MAMDC2: variants seen among roughly 807,000 people sequenced by gnomAD.
MAMDC2 encodes the protein MAM domain-containing protein 2.
Under a neutral mutation model 89.8 loss-of-function variants are expected in MAMDC2, and 57 were observed. The ratio of observed to expected loss-of-function variants is 0.63; its 90% CI spans 0.51 to 0.79. The LOEUF (loss-of-function observed/expected upper bound fraction) is 0.79, where lower values mean the gene tolerates loss of function less well. Among genes scored for constraint, MAMDC2 ranks in the 30% least tolerant of loss-of-function variants. The pLI is 0.00. For missense variants in MAMDC2, 800 were observed against 820.6 expected, an observed-to-expected ratio of 0.97 and a Z score of 0.31; for synonymous variants, 313 against 293.4, an observed-to-expected ratio of 1.07 and a Z score of -0.68.
intron 9 of MAMDC2, among the ~76,000 whole-genome samples, chr9:70,166,302 CACATAT>C (rs377159260): frequency 1.2e-3 from 166 of 138,598 alleles, no homozygotes; most frequent in Middle Eastern, 3.7e-3. Flanking sequence ...CACACACACA[CACATAT>C]ATATATATAC....
rs755543536 is a variant in MAMDC2, at chr9:70,044,148, C to T, written c.-50C>T. The T allele has an allele frequency of 6.2e-7, 1 of 1,605,268 alleles. No individual in the cohort carries two copies. The highest frequency in any genetic ancestry group is 1.1e-5 in the South Asian group (1 of 90,896). Reference sequence around the variant, plus strand: ...TTTCACTAGGAGCAGCCAGTCCCAGCGGGCTGGCAACTTGCACCCCTTCCT... The same window carrying T: ...TTTCACTAGGAGCAGCCAGTCCCAGTGGGCTGGCAACTTGCACCCCTTCCT... On this transcript the variant is annotated 5_prime_UTR_variant, in exon 1 of 14. Coordinates refer to ENST00000377182, the MANE Select transcript of MAMDC2 (RefSeq NM_153267.5).
chr9:70,083,516 T>G (rs2118142936), intron 2 of MAMDC2: 1 of 152,146 alleles, frequency 6.6e-6, no homozygotes, highest in East Asian at 1.9e-4. Flanking sequence ...AATCCACCAC[T>G]TATGACAATC....
At chr9:70,045,953 G>A (rs1031654450) in intron 2 of MAMDC2, among the ~76,000 whole-genome samples, 3 of 152,154 alleles carry the variant, frequency 2.0e-5, no homozygotes, top group Non-Finnish European at 2.9e-5. Context: ...AGCAATTCTT[G>A]ATTTATTATT....
At chr9:70,051,888 G>GAGACAGAT (rs1826907929) in intron 2 of MAMDC2, among the ~76,000 whole-genome samples, 2 of 148,792 alleles carry the variant, frequency 1.3e-5, no homozygotes, top group African/African-American at 5.0e-5. Context: ...TAGATAGATA[G>GAGACAGAT]AGATAGATAG....
intron 2 of MAMDC2, chr9:70,087,108 A>G (rs891353603): frequency 2.4e-4 from 36 of 152,182 alleles, no homozygotes; most frequent in African/African-American, 7.5e-4. Flanking sequence ...TCTCCTGACC[A>G]CCTTCTACTG....
chr9:70,044,556 C>G (rs747142687), intron 1 of MAMDC2, 28 bp from the exon 2 acceptor site: 2 of 1,531,514 alleles, frequency 1.3e-6, no homozygotes, highest in South Asian at 2.4e-5. Context: ...GGGTGGAGCT[C>G]GAACTGAAAC....
chr9:70,189,402 C>G (rs2032830167), intron 11 of MAMDC2, among the ~76,000 whole-genome samples: 1 of 152,070 alleles, frequency 6.6e-6, no homozygotes, highest in Admixed American at 6.6e-5. Flanking sequence ...AGCTGTTAAT[C>G]TTATTGAGGT....
At chr9:70,097,529 G>A (rs570161986) in intron 2 of MAMDC2, among the ~76,000 whole-genome samples, 1 of 152,172 alleles carries the variant, frequency 6.6e-6, no homozygotes, top group Non-Finnish European at 1.5e-5. Context: ...TATAAATGCA[G>A]GCTTTCCTAT....
intron 11 of MAMDC2, among the ~76,000 whole-genome samples, chr9:70,197,149 C>G (rs1469957665): frequency 6.6e-6 from 1 of 152,130 alleles, no homozygotes; most frequent in African/African-American, 2.4e-5. Flanking sequence ...TATTTGATCA[C>G]ATTTGATCAG....
intron 9 of MAMDC2, among the ~76,000 whole-genome samples, chr9:70,163,025 T>C (rs2032032164): frequency 6.6e-6 from 1 of 152,080 alleles, no homozygotes. Flanking sequence ...GAGCAGATCA[T>C]TGTTTTTTTG....
In MAMDC2 at chr9:70,109,920, A is replaced by G. The variant is rs1828461956; in HGVS notation, c.505+116A>G. The G allele has an allele frequency of 6.3e-6, 5 of 789,616 alleles. No homozygotes were observed. In the African/African-American group the frequency reaches 8.7e-5, roughly 14 times the overall value. The allele number at this position is 789,616 out of a possible 1,614,324, so 48.9% of individuals were successfully genotyped here. A position where few individuals can be genotyped will look rare whatever the true frequency, so the allele number is the denominator to read the frequency against. On this transcript the variant is annotated intron_variant, in intron 4 of 13. Coordinates refer to ENST00000377182, the MANE Select transcript of MAMDC2 (RefSeq NM_153267.5). ...AACTATTTTATAGAATGCACTGCAT[A>G]ATGCATACTGGTTTAAATTCTTTGC... is the stretch of plus-strand genomic sequence containing the variant.
intron 11 of MAMDC2, among the ~76,000 whole-genome samples, chr9:70,204,122 G>A (rs1056381867): frequency 3.9e-5 from 6 of 152,014 alleles, no homozygotes; most frequent in Non-Finnish European, 5.9e-5. Context: ...TCTGGAGGAG[G>A]AGAGACGCTC....
chr9:70,118,637 C>T (rs921500103), intron 5 of MAMDC2, among the ~76,000 whole-genome samples: 8 of 152,232 alleles, frequency 5.3e-5, no homozygotes, highest in East Asian at 1.9e-4. Flanking sequence ...GATGTCTGCC[C>T]GCAACAGCAG....
intron 2 of MAMDC2, among the ~76,000 whole-genome samples, chr9:70,059,790 G>A (rs931238694): frequency 2.0e-5 from 3 of 152,154 alleles, no homozygotes; most frequent in Non-Finnish European, 4.4e-5. Flanking sequence ...TGAGATCAAA[G>A]GCTATGTTCT....
At chr9:70,109,884 T>C (rs980054122) in intron 4 of MAMDC2, 80 bp downstream of exon 4, 1 of 1,129,590 alleles carries the variant, frequency 8.9e-7, no homozygotes, top group African/African-American at 1.5e-5. Flanking sequence ...ACTGAATCAA[T>C]CCTAAAGACC....
chr9:70,132,172 T>G (rs977078458), intron 7 of MAMDC2, among the ~76,000 whole-genome samples: 1 of 152,222 alleles, frequency 6.6e-6, no homozygotes, highest in African/African-American at 2.4e-5. Context: ...ATGATCAGTT[T>G]TGAGATTTCA....
chr9:70,185,201 A>T (rs1202065317), intron 11 of MAMDC2, among the ~76,000 whole-genome samples: 1 of 152,208 alleles, frequency 6.6e-6, no homozygotes, highest in Non-Finnish European at 1.5e-5. Flanking sequence ...CCTGGGCATC[A>T]TCATTGGAGG....
intron 12 of MAMDC2, among the ~76,000 whole-genome samples, chr9:70,223,132 CAAA>C (rs57177475): frequency 1.7e-5 from 2 of 119,068 alleles, no homozygotes; most frequent in Admixed American, 1.7e-4. Flanking sequence ...GACTCTGTCT[CAAA>C]AAAAAAAAAA....
chr9:70,121,853 A>G (rs879684055), intron 5 of MAMDC2, among the ~76,000 whole-genome samples: 1 of 152,170 alleles, frequency 6.6e-6, no homozygotes, highest in Non-Finnish European at 1.5e-5. Flanking sequence ...CAAGAACTCC[A>G]GGCTACCATC....
Sources: gnomAD v4.1 joint callset for allele counts (sites outside exome capture counted in the v4.1 genomes callset) on GRCh38, gnomAD v4.1.1 for gene constraint, MANE v1.5 for transcripts, NCBI Gene and HGNC (gene_info 2026-07-23, HGNC 2026-07-21) for gene names.